Variants in LRP12 observed in about 807,000 individuals in gnomAD.
LRP12 encodes LDL receptor related protein 12, also known as low-density lipoprotein receptor-related protein 12.
A neutral mutation model predicts 66.0 loss-of-function variants in LRP12; 14 were observed. The ratio of observed to expected loss-of-function variants is 0.21; its 90% CI spans 0.14 to 0.33. LRP12 has a LOEUF of 0.33. LRP12 is among the 10% of genes least tolerant of loss of function. LRP12 has a pLI of 1.00. For missense variants in LRP12, 889 were observed against 1,053.4 expected (o/e 0.84, Z 2.16); for synonymous variants, 357 against 359.1 (o/e 0.99, Z 0.07).
At position 104,589,006 on chromosome 8, in the gene LRP12, CGG is replaced by C. The variant is rs1812391687; in HGVS notation, c.-111_-110del. 1.3e-6 allele frequency: 1 copy of C among 783,858 alleles called. No homozygotes were observed. Among genetic ancestry groups the C allele is most frequent in the East Asian group, 3.6e-5 (1 of 27,648 alleles). The allele number at this position is 783,858 out of a possible 1,614,324, so 48.6% of individuals were successfully genotyped here. On this transcript the variant is annotated 5_prime_UTR_variant, in exon 1 of 7. Coordinates refer to ENST00000276654, the MANE Select transcript of LRP12 (RefSeq NM_013437.5). ...GCCGCCGCCGCCGCCGCCGAGCCAC[CGG>C]CTGCTCCCTGCGCTCTCCGCGGCTG...
At chr8:104,546,689 GCTT>G (rs990783364) in intron 1 of LRP12, among the ~76,000 whole-genome samples, 5 of 151,214 alleles carry the variant, frequency 3.3e-5, no homozygotes, top group African/African-American at 4.9e-5. Context: ...GAATTTCGGG[GCTT>G]CTTTTGAAAA....
At chr8:104,548,087 T>C (rs1811630009) in intron 1 of LRP12, among the ~76,000 whole-genome samples, 1 of 118,754 alleles carries the variant, frequency 8.4e-6, no homozygotes, top group Non-Finnish European at 1.6e-5. Flanking sequence ...TGTTATATTA[T>C]ATTTTGTATA....
At chr8:104,562,791 AC>A (rs1183130130) in intron 1 of LRP12, among the ~76,000 whole-genome samples, 5 of 152,166 alleles carry the variant, frequency 3.3e-5, no homozygotes, top group Non-Finnish European at 7.4e-5. Context: ...TTATTTAATA[AC>A]CTTATTTCAA....
intron 1 of LRP12, among the ~76,000 whole-genome samples, chr8:104,582,667 C>A (rs1404342657): frequency 2.0e-5 from 3 of 152,150 alleles, no homozygotes; most frequent in Admixed American, 2.0e-4. Flanking sequence ...CAGAACCCTT[C>A]TTAAGGTTCC....
chr8:104,587,029 TCACTTTGTG>T (rs1812343642), intron 1 of LRP12, among the ~76,000 whole-genome samples: 1 of 152,142 alleles, frequency 6.6e-6, no homozygotes, highest in Non-Finnish European at 1.5e-5. Context: ...TACCAGAAAG[TCACTTTGTG>T]TACAAGTACT....
chr8:104,547,778 T>C (rs908362917), intron 1 of LRP12, among the ~76,000 whole-genome samples: 5 of 130,062 alleles, frequency 3.8e-5, no homozygotes, highest in Admixed American at 1.7e-4. Context: ...TATTATATTT[T>C]GTATATAATA....
At chr8:104,527,275 G>A (rs1260336823) in intron 2 of LRP12, among the ~76,000 whole-genome samples, 7 of 143,262 alleles carry the variant, frequency 4.9e-5, no homozygotes, top group East Asian at 1.9e-4. Flanking sequence ...TCAGTGTGGC[G>A]ATTCCTCAGG....
chr8:104,547,666 CTATAT>C (rs1811611977), intron 1 of LRP12, among the ~76,000 whole-genome samples: 1 of 111,774 alleles, frequency 8.9e-6, no homozygotes, highest in South Asian at 2.6e-4. Context: ...TAATATAATT[CTATAT>C]TATATTTTGT....
rs777619248 is a variant in LRP12 at position 104,497,720 on chromosome 8, A to T, written c.832T>A (p.Phe278Ile). ...GTGCAATTGCTTCCAGGAGGATAAA[A>T]GTCTGGATAATTGGGAGAATTAAAA... is the stretch of plus-strand genomic sequence containing the variant. Reference protein sequence around the residue: ...GTFNSPNYPDFYPPGSNCTWL... With the variant: ...GTFNSPNYPDIYPPGSNCTWL... Residue 278 changes from phenylalanine to isoleucine, a missense_variant, in exon 5 of 7, where the codon TTT (phenylalanine) becomes ATT (isoleucine). Phe to Ile is a conservative substitution (Grantham distance 21, BLOSUM62 0). Coordinates refer to ENST00000276654, the MANE Select transcript of LRP12 (RefSeq NM_013437.5). This position sits in a 1 kb window ranked among gnomAD's most constrained non-coding sequence, Gnocchi z 4.3. 2 of 1,613,890 alleles carry T rather than the reference A, an allele frequency of 1.2e-6. No individual in the cohort carries two copies. Among genetic ancestry groups the T allele is most frequent in the South Asian group, 2.2e-5 (2 of 90,996 alleles).
chr8:104,514,481 G>T (rs112690037), intron 2 of LRP12, among the ~76,000 whole-genome samples: 19 of 151,656 alleles, frequency 1.3e-4, no homozygotes, highest in African/African-American at 4.4e-4. Flanking sequence ...GGCCGAGGCG[G>T]GTGGATAATG....
At chr8:104,510,573 G>C (rs796914589) in intron 2 of LRP12, among the ~76,000 whole-genome samples, 5 of 152,254 alleles carry the variant, frequency 3.3e-5, no homozygotes, top group African/African-American at 1.2e-4. Flanking sequence ...TCAAATACGT[G>C]ATGTTTAAGC....
At chr8:104,525,212 T>C (rs1366232269) in intron 2 of LRP12, among the ~76,000 whole-genome samples, 3 of 152,118 alleles carry the variant, frequency 2.0e-5, no homozygotes, top group Non-Finnish European at 4.4e-5. Context: ...CTAGCTTATA[T>C]ATGAAGAGAG....
chr8:104,493,983 T>C (rs1355528343), intron 6 of LRP12, among the ~76,000 whole-genome samples: 2 of 152,212 alleles, frequency 1.3e-5, no homozygotes, highest in Non-Finnish European at 1.5e-5. Context: ...TGAGTGTTCC[T>C]AGTAAATTAT....
chr8:104,571,806 C>T (rs530380247), intron 1 of LRP12, among the ~76,000 whole-genome samples: 8 of 152,328 alleles, frequency 5.3e-5, no homozygotes, highest in Admixed American at 2.0e-4. Flanking sequence ...TTATGAGAAT[C>T]TAATGCCTGA....
chr8:104,490,944 T>A lies in LRP12; in HGVS notation c.2309A>T (p.Asp770Val), dbSNP rs138237638. 8.1e-6 allele frequency: 13 copies of A among 1,613,896 alleles called. No homozygotes were observed. The African/African-American group carries it at 1.3e-4, about 17-fold the overall frequency. The change falls in exon 7 of 7, where the codon GAT becomes GTT. Residue 770 changes from aspartate (D) to valine (V), a missense_variant. Physicochemically the swap from Asp to Val is radical, Grantham distance 152. Around this residue, in one of 3 missense-constraint regions of LRP12, gnomAD observed 800 missense variants for 964.5 expected, o/e 0.83. Coordinates refer to ENST00000276654, the MANE Select transcript of LRP12 (RefSeq NM_013437.5). ...TGGAATTAGCATTTCAACATCATCATCATCTTCTCTTCCACTTACCCCATT... is the reference window on the plus strand; with the variant it reads ...TGGAATTAGCATTTCAACATCATCAACATCTTCTCTTCCACTTACCCCATT... ...LDNGVSGREDDDDVEMLIPIS... is the reference protein window; with the variant it reads ...LDNGVSGREDVDDVEMLIPIS...
intron 1 of LRP12, among the ~76,000 whole-genome samples, chr8:104,571,779 T>A (rs1428519873): frequency 6.6e-6 from 1 of 152,180 alleles, no homozygotes; most frequent in African/African-American, 2.4e-5. Context: ...ATGCAAGGGA[T>A]CTAGGTTGGG....
intron 1 of LRP12, among the ~76,000 whole-genome samples, chr8:104,548,420 T>A (rs1231980276): frequency 1.8e-5 from 2 of 110,282 alleles, no homozygotes; most frequent in East Asian, 4.8e-4. Flanking sequence ...GATATATTAA[T>A]AATTAAAATA....
At chr8:104,584,175 G>A (rs1812296203) in intron 1 of LRP12, among the ~76,000 whole-genome samples, 1 of 151,702 alleles carries the variant, frequency 6.6e-6, no homozygotes, top group Non-Finnish European at 1.5e-5. Flanking sequence ...AGAAAAGAAA[G>A]GTAACCTTAG....
At chr8:104,500,961 T>C (rs1357334039) in intron 3 of LRP12, among the ~76,000 whole-genome samples, 3 of 152,378 alleles carry the variant, frequency 2.0e-5, no homozygotes, top group Non-Finnish European at 4.4e-5. Flanking sequence ...TAAAAATGTT[T>C]TGCCAATTAG....
Sources: gnomAD v4.1 joint callset for allele counts (sites outside exome capture counted in the v4.1 genomes callset) on GRCh38, gnomAD v4.1.1 for gene constraint, gnomAD v4.1.1 regional missense constraint, Gnocchi (gnomAD v3.1) non-coding constraint, MANE v1.5 for transcripts, NCBI Gene and HGNC (gene_info 2026-07-23, HGNC 2026-07-21) for gene names.